The following MTREX variants were observed in gnomAD, a reference collection of about 807,000 sequenced individuals.
MTREX encodes the protein Mtr4 exosome RNA helicase.
In MTREX, 76 loss-of-function variants were observed where a neutral mutation model predicts 135.4. The observed-to-expected ratio is 0.56, with a 90% CI of 0.47 to 0.68. MTREX has a LOEUF of 0.68. Among genes scored for constraint, MTREX ranks in the 30% least tolerant of loss-of-function variants. MTREX has a pLI of 0.00. For missense variants in MTREX, 920 were observed against 1,262.1 expected (o/e 0.73, Z 4.11); for synonymous variants, 404 against 401.6 (o/e 1.01, Z -0.07).
intron 1 of MTREX, among the ~76,000 whole-genome samples, chr5:55,313,055 C>T (rs1332906402): frequency 6.6e-6 from 1 of 152,094 alleles, no homozygotes; most frequent in East Asian, 1.9e-4. Context: ...AGAATTCATA[C>T]TGACATTTCC....
chr5:55,398,410 A>G (rs1263018541), intron 20 of MTREX, among the ~76,000 whole-genome samples: 1 of 152,196 alleles, frequency 6.6e-6, no homozygotes, highest in Non-Finnish European at 1.5e-5. Context: ...CTGTGTTCCA[A>G]TGGTGGGCTT....
At position 55,410,537 on chromosome 5, in the gene MTREX, CT is replaced by C; in HGVS notation, c.2661del (p.Leu888Ter). On this transcript the variant is annotated frameshift_variant, in exon 23 of 27. Coordinates refer to ENST00000230640, the MANE Select transcript of MTREX (RefSeq NM_015360.5). LOFTEE classifies it high-confidence loss of function. The stretch of plus-strand genomic sequence containing the variant: ...TTGCCATTGTAGTGCTGATGAGCTC[CT>C]TCTAACTGAGATGATGTTTAATGGC... ...ACEISSADEL[L>X]LTEMMFNGLF... 6.2e-7 allele frequency: 1 copy of C among 1,607,420 alleles called. No individual in the cohort carries two copies. The highest frequency in any genetic ancestry group is 8.5e-7 in the Non-Finnish European group (1 of 1,175,716).
rs1212473562 is a variant in MTREX, at chr5:55,416,064, ATG to A, written c.2905_2906del (p.Val969SerfsTer21). 1 of 1,603,110 alleles carries A rather than the reference ATG, an allele frequency of 6.2e-7. No homozygotes were observed. The highest frequency in any genetic ancestry group is 1.3e-5 in the African/African-American group (1 of 74,194). ...AGCTCATTTAAACCTCACTTAATGGATGTAGTATATACCTGGGCAACTGGAGC... is the reference window on the plus strand; with the variant it reads ...AGCTCATTTAAACCTCACTTAATGGATAGTATATACCTGGGCAACTGGAGC... On this transcript the variant is annotated frameshift_variant, in exon 25 of 27. Transcript: ENST00000230640. LOFTEE classifies it high-confidence loss of function.
intron 3 of MTREX, among the ~76,000 whole-genome samples, chr5:55,325,198 A>G (rs1193126334): frequency 6.6e-6 from 1 of 152,204 alleles, no homozygotes; most frequent in African/African-American, 2.4e-5. Flanking sequence ...CAAATTAACA[A>G]AAAGACTTTC....
At chr5:55,316,596 A>G (rs1749202209) in intron 1 of MTREX, among the ~76,000 whole-genome samples, 1 of 152,192 alleles carries the variant, frequency 6.6e-6, no homozygotes, top group Admixed American at 6.5e-5. Context: ...CCTCCATGTT[A>G]AAAACTCTCA....
At chr5:55,366,915 G>GTCTCCT in intron 16 of MTREX, 40 bp downstream of exon 16, 1 of 1,461,074 alleles carries the variant, frequency 6.8e-7, no homozygotes, top group Non-Finnish European at 9.2e-7. Context: ...GTGTAGCTAG[G>GTCTCCT]AGACTGACTA....
intron 10 of MTREX, among the ~76,000 whole-genome samples, chr5:55,345,525 T>G (rs1579860760): frequency 6.6e-6 from 1 of 152,228 alleles, no homozygotes; most frequent in East Asian, 1.9e-4. Flanking sequence ...TCCCCCAACC[T>G]TTCCCTTCTC....
intron 19 of MTREX, among the ~76,000 whole-genome samples, chr5:55,389,497 G>GT (rs1750529817): frequency 6.6e-6 from 1 of 152,114 alleles, no homozygotes; most frequent in African/African-American, 2.4e-5. Flanking sequence ...TTGGCAAGGG[G>GT]TGGGGGGTTG....
chr5:55,366,965 T>C (rs947492597), intron 16 of MTREX, 90 bp downstream of exon 16: 5 of 1,121,316 alleles, frequency 4.5e-6, no homozygotes, highest in Non-Finnish European at 6.2e-6. Flanking sequence ...GCTTTTGTTT[T>C]TGTAAGGTAA....
At chr5:55,390,781 AT>A in intron 19 of MTREX, among the ~76,000 whole-genome samples, 1 of 152,336 alleles carries the variant, frequency 6.6e-6, no homozygotes, top group South Asian at 2.1e-4. Flanking sequence ...AAGATTACAG[AT>A]TAGAACTGTA....
intron 5 of MTREX, among the ~76,000 whole-genome samples, chr5:55,332,633 G>A (rs1403546529): frequency 1.3e-5 from 2 of 152,180 alleles, no homozygotes; most frequent in Non-Finnish European, 1.5e-5. Flanking sequence ...AAAGGGAGAG[G>A]AAATTGGGCC....
intron 3 of MTREX, 155 bp from the exon 4 acceptor site, chr5:55,327,561 G>A: frequency 3.4e-6 from 2 of 579,946 alleles, no homozygotes; most frequent in Non-Finnish European, 6.1e-6. Flanking sequence ...TGTTCTTAAA[G>A]ACAGTTATTT....
chr5:55,327,763 T>A lies in MTREX; in HGVS notation c.387T>A (p.Val129=). ...ATTATTTACCACTTAAACCACGAGT[T>A]GGAAAAGCTGCTAAGGTCTGTACTT... The part of the protein sequence containing the change: ...EEDYLPLKPR[V]GKAAKEYPFI... Residue 129 remains valine, a synonymous_variant, in exon 4 of 27, where the codon GTT becomes GTA. Transcript: ENST00000230640. 6.2e-7 allele frequency: 1 copy of A among 1,612,766 alleles called. No individual in the cohort carries two copies. Among genetic ancestry groups the A allele is most frequent in the Non-Finnish European group, 8.5e-7 (1 of 1,178,950 alleles).
At chr5:55,392,666 C>G (rs1750589321) in intron 19 of MTREX, among the ~76,000 whole-genome samples, 1 of 152,018 alleles carries the variant, frequency 6.6e-6, no homozygotes, top group Admixed American at 6.6e-5. Context: ...CCTGGATGTA[C>G]AGTTTCATGG....
At chr5:55,338,791 T>TTTTTC (rs1749595835) in intron 5 of MTREX, among the ~76,000 whole-genome samples, 1 of 137,964 alleles carries the variant, frequency 7.2e-6, no homozygotes, top group African/African-American at 2.8e-5. Flanking sequence ...TTTTTCTTTT[T>TTTTTC]TTTTTTTTTT....
Position 55,322,338 on chromosome 5 carries a change from A to G in MTREX, c.146A>G (p.Asp49Gly). Residue 49 changes from aspartate to glycine, a missense_variant, in exon 2 of 27, where the codon GAT becomes GGT. By Grantham distance (94) the Asp-to-Gly change is moderately conservative. Around this residue, in one of 6 missense-constraint regions of MTREX, gnomAD observed 136 missense variants for 126.7 expected, o/e 1.07. Transcript: ENST00000230640. ...GSADKAGKRF[D>G]GKLQSESTNN... The stretch of plus-strand genomic sequence containing the variant: ...TATTTACTTTTCAGGAAACGTTTTG[A>G]TGGTAAATTACAATCAGAATCAACT... 1.3e-6 allele frequency: 2 copies of G among 1,599,360 alleles called. No individual in the cohort carries two copies. The highest frequency in any genetic ancestry group is 1.7e-6 in the Non-Finnish European group (2 of 1,175,356).
At position 55,425,274 on chromosome 5, in the gene MTREX, C is replaced by T. The variant is rs1378213819; in HGVS notation, c.*502C>T. 1.2e-6 allele frequency: 2 copies of T among 1,612,298 alleles called. No homozygotes were observed. The highest frequency in any genetic ancestry group is 2.2e-5 in the East Asian group (1 of 44,850). Reference sequence around the variant, plus strand: ...GTTTCATGCAGAGTTGTATGAGAGTCCTCCTCTTTTCTTTCTTTAAAAGAA... The same window carrying T: ...GTTTCATGCAGAGTTGTATGAGAGTTCTCCTCTTTTCTTTCTTTAAAAGAA... On this transcript the variant is annotated 3_prime_UTR_variant, in exon 27 of 27. Transcript: ENST00000230640.
chr5:55,343,450 A>G lies in MTREX; in HGVS notation c.901A>G (p.Lys301Glu). 2 of 1,611,436 alleles carry G rather than the reference A, an allele frequency of 1.2e-6. No homozygotes were observed. The highest frequency in any genetic ancestry group is 1.7e-6 in the Non-Finnish European group (2 of 1,179,176). Residue 301 changes from lysine to glutamate, a missense_variant, in exon 8 of 27, where the codon AAA becomes GAA. Around this residue, in one of 6 missense-constraint regions of MTREX, gnomAD observed 88 missense variants for 202.5 expected, o/e 0.43. Transcript: ENST00000230640. The stretch of plus-strand genomic sequence containing the variant: ...TGCTGAATGGATTTGCCATTTACAT[A>G]AACAGGTATTTTTTCCTCCTTTTTT... ...QFAEWICHLHKQPCHVIYTDY... is the reference protein window; with the variant it reads ...QFAEWICHLHEQPCHVIYTDY...
chr5:55,337,042 T>G (rs1258462899), intron 5 of MTREX, among the ~76,000 whole-genome samples: 1 of 152,216 alleles, frequency 6.6e-6, no homozygotes, highest in Non-Finnish European at 1.5e-5. Context: ...CCTAGGCATT[T>G]CTTTGTGGGA....
Sources: allele counts gnomAD v4.1 joint callset (sites outside exome capture counted in the v4.1 genomes callset), GRCh38; gene constraint gnomAD v4.1.1; regional missense constraint gnomAD v4.1.1; transcripts MANE v1.5; gene names NCBI Gene and HGNC (gene_info 2026-07-23, HGNC 2026-07-21).